Variants in SFI1 observed in about 807,000 individuals in gnomAD.
The protein encoded by SFI1 is protein SFI1 homolog.
In SFI1, 195 loss-of-function variants were observed where a neutral mutation model predicts 207.5. The ratio of observed to expected loss-of-function variants is 0.94; its 90% CI spans 0.84 to 1.06. The LOEUF (loss-of-function observed/expected upper bound fraction) is 1.06, where lower values mean the gene tolerates loss of function less well. Among genes scored for constraint, SFI1 ranks in the 50% least tolerant of loss-of-function variants. The probability of loss-of-function intolerance (pLI) is 0.00; values close to 1 mark genes in which losing one functional copy is unlikely to be tolerated. For synonymous variants in SFI1, 630 were observed against 598.9 expected, an observed-to-expected ratio of 1.05 and a Z score of -0.76; for missense variants, 1,634 against 1,588.0, an observed-to-expected ratio of 1.03 and a Z score of -0.49.
chr22:31,526,929 T>G (rs762272888), intron 2 of SFI1, among the ~76,000 whole-genome samples: 92 of 151,584 alleles, frequency 6.1e-4, no homozygotes, highest in Non-Finnish European at 1.1e-3. Context: ...TGTCTTGTCC[T>G]GTCCTGTCGC....
chr22:31,565,762 TGTC>T (rs1390757115), intron 8 of SFI1, among the ~76,000 whole-genome samples: 5 of 152,152 alleles, frequency 3.3e-5, no homozygotes, highest in Non-Finnish European at 7.4e-5. Context: ...TTATGAATGT[TGTC>T]ATACTGTGCT....
rs1460642046 is a variant in SFI1 at position 31,618,233 on chromosome 22, C to A, written c.3624+7C>A. The A allele has an allele frequency of 6.3e-7, 1 of 1,595,024 alleles. No individual in the cohort carries two copies. The highest frequency in any genetic ancestry group is 8.5e-7 in the Non-Finnish European group (1 of 1,172,184). ...GCAGAAAGAGCTGGAACAGGTGAGG[C>A]CCCAGGCCATCCCCAGGTGTCCCTG... On this transcript the variant is annotated splice_region_variant and intron_variant, in intron 32 of 32. Transcript: ENST00000400288.
chr22:31,606,174 T>C (rs2147112603), intron 20 of SFI1, 154 bp from the exon 21 acceptor site: 1 of 673,206 alleles, frequency 1.5e-6, no homozygotes, highest in South Asian at 1.8e-5. Flanking sequence ...TGGACATAGA[T>C]GTGCAAGTAA....
intron 1 of SFI1, among the ~76,000 whole-genome samples, chr22:31,504,868 G>A (rs900853790): frequency 2.6e-5 from 4 of 151,980 alleles, no homozygotes; most frequent in Admixed American, 6.6e-5. Flanking sequence ...GACACAAATC[G>A]TGTTGGATTA....
chr22:31,537,621 C>T (rs1302109270), intron 4 of SFI1, among the ~76,000 whole-genome samples: 1 of 152,162 alleles, frequency 6.6e-6, no homozygotes, highest in Non-Finnish European at 1.5e-5. Context: ...ATAGTTACGC[C>T]TGTAGGCCTC....
At chr22:31,504,247 G>A (rs1569157419) in intron 1 of SFI1, among the ~76,000 whole-genome samples, 1 of 152,054 alleles carries the variant, frequency 6.6e-6, no homozygotes, top group Non-Finnish European at 1.5e-5. Context: ...AGTATTTCAC[G>A]AAAAATCACT....
chr22:31,516,958 TAAAC>T (rs1326674002), intron 2 of SFI1, among the ~76,000 whole-genome samples: 14 of 149,186 alleles, frequency 9.4e-5, no homozygotes, highest in Non-Finnish European at 1.6e-4. Context: ...CAGTCTCAAA[TAAAC>T]AAACAAATAA....
intron 12 of SFI1, among the ~76,000 whole-genome samples, chr22:31,580,881 G>C (rs1374762332): frequency 2.0e-5 from 3 of 152,056 alleles, no homozygotes; most frequent in African/African-American, 7.2e-5. Context: ...CATACCTGCT[G>C]ATAGAAAAAC....
chr22:31,518,692 A>G (rs544771817), intron 2 of SFI1, among the ~76,000 whole-genome samples: 8 of 152,306 alleles, frequency 5.3e-5, no homozygotes, highest in African/African-American at 1.9e-4. Context: ...CTTAGATTTC[A>G]GAAGGGTTCC....
At chr22:31,576,034 T>C (rs1352020602) in intron 10 of SFI1, among the ~76,000 whole-genome samples, 4 of 151,940 alleles carry the variant, frequency 2.6e-5, no homozygotes, top group African/African-American at 9.7e-5. Context: ...ATTCTTTTTT[T>C]TTTTTTTTGA....
intron 24 of SFI1, 90 bp downstream of exon 24, chr22:31,611,930 T>G: frequency 6.5e-7 from 1 of 1,538,224 alleles, no homozygotes; most frequent in Non-Finnish European, 8.8e-7. Context: ...AGCCTACACC[T>G]CTAGTTCAGT....
chr22:31,564,124 G>A (rs1311099557), intron 8 of SFI1, among the ~76,000 whole-genome samples: 2 of 151,460 alleles, frequency 1.3e-5, no homozygotes, highest in African/African-American at 2.4e-5. Context: ...TCAGGAGATG[G>A]AGACCATCCT....
In SFI1 at chr22:31,606,308, T is replaced by C. The variant is rs5753723; in HGVS notation, c.2055-20T>C. ...TCTATCCTGGTGTCATCTGCCTTCC[T>C]CGCACCCATGCATCTGCAGCGGGGC... is the stretch of plus-strand genomic sequence containing the variant. On this transcript the variant is annotated intron_variant, in intron 20 of 32. Coordinates refer to ENST00000400288, the MANE Select transcript of SFI1 (RefSeq NM_001007467.3). 1,286,970 of 1,610,066 alleles carry C rather than the reference T, an allele frequency of 0.8. 516,779 individuals carry two copies. Among genetic ancestry groups the C allele is most frequent in the African/African-American group, 0.96 (72,252 of 74,982 alleles).
Position 31,618,494 on chromosome 22 carries a change from TAAGTTTG to T in SFI1, c.*78_*84del. 1 of 1,334,074 alleles carries T rather than the reference TAAGTTTG, an allele frequency of 7.5e-7. No individual in the cohort carries two copies. The highest frequency in any genetic ancestry group is 9.8e-7 in the Non-Finnish European group (1 of 1,020,026). 82.6% of individuals were successfully genotyped at this position (1,334,074 alleles called of 1,614,324 possible). On this transcript the variant is annotated 3_prime_UTR_variant, in exon 33 of 33. Transcript: ENST00000400288. ...CACCTCCAGGAACAGAACACAGTTT[TAAGTTTG>T]ATTTTTTTTATTTCAAAATGCTTTG...
chr22:31,584,068 TG>T, intron 13 of SFI1, 96 bp downstream of exon 13: 1 of 1,049,856 alleles, frequency 9.5e-7, no homozygotes, highest in Non-Finnish European at 1.5e-6. Context: ...TGCGTTAGTG[TG>T]GCAGATTCAG....
At chr22:31,511,928 A>G (rs1569177527) in intron 2 of SFI1, among the ~76,000 whole-genome samples, 1 of 152,278 alleles carries the variant, frequency 6.6e-6, no homozygotes, top group East Asian at 1.9e-4. Flanking sequence ...CTGGGATTAC[A>G]GGTGTGAGTC....
At chr22:31,508,501 C>T (rs2055000893) in intron 2 of SFI1, 125 bp downstream of exon 2, 2 of 638,642 alleles carry the variant, frequency 3.1e-6, no homozygotes, top group African/African-American at 3.7e-5. Context: ...TTTTTTTTGT[C>T]ATTGATATTT....
At position 31,615,157 on chromosome 22, in the gene SFI1, C is replaced by G; in HGVS notation, c.3178C>G (p.Leu1060Val). 1 of 1,606,770 alleles carries G rather than the reference C, an allele frequency of 6.2e-7. No individual in the cohort carries two copies. The highest frequency in any genetic ancestry group is 2.2e-5 in the East Asian group (1 of 44,782). ...GACAGCACTGGTCCCACACAGCCCC[C>G]TGCCTGGGGCCCTGTCAAGCGCCCC... is the stretch of plus-strand genomic sequence containing the variant. Reference protein sequence around the residue: ...APTALVPHSPLPGALSSAPGP... With the variant: ...APTALVPHSPVPGALSSAPGP... Residue 1060 changes from leucine to valine, a missense_variant, in exon 29 of 33, where the codon CTG becomes GTG. Leu to Val is a conservative substitution (Grantham distance 32). Coordinates refer to ENST00000400288, the MANE Select transcript of SFI1 (RefSeq NM_001007467.3).
Position 31,580,269 on chromosome 22 carries a change from C to G in SFI1, c.1156-3C>G, listed in dbSNP as rs774667560. On this transcript the variant is annotated splice_region_variant and splice_polypyrimidine_tract_variant and intron_variant, in intron 11 of 32. Coordinates refer to ENST00000400288, the MANE Select transcript of SFI1 (RefSeq NM_001007467.3). ...TAATCAGTTGTGTCCTTTCTTTGCACAGTATTTTTGCTTTAGAGCCCTAAA... is the reference window on the plus strand; with the variant it reads ...TAATCAGTTGTGTCCTTTCTTTGCAGAGTATTTTTGCTTTAGAGCCCTAAA... The G allele has an allele frequency of 6.2e-7, 1 of 1,611,950 alleles. No individual in the cohort carries two copies. Among genetic ancestry groups the G allele is most frequent in the Non-Finnish European group, 8.5e-7 (1 of 1,178,114 alleles).
Sources: allele counts gnomAD v4.1 joint callset (sites outside exome capture counted in the v4.1 genomes callset), GRCh38; gene constraint gnomAD v4.1.1; transcripts MANE v1.5; gene names NCBI Gene and HGNC (gene_info 2026-07-23, HGNC 2026-07-21).